The following SYNE2 variants were observed in gnomAD, a reference collection of about 807,000 sequenced individuals.
SYNE2 encodes spectrin repeat containing nuclear envelope protein 2.
SYNE2 carries 431 observed loss-of-function variants against 856.3 expected under a neutral mutation model. That is an observed-to-expected ratio of 0.50 (90% CI 0.47 to 0.55). The LOEUF is 0.55. Ranked by LOEUF, SYNE2 falls within the 20% of genes least tolerant of loss-of-function variation. The pLI is 0.00. For synonymous variants in SYNE2, 2,923 were observed against 2,872.3 expected, an observed-to-expected ratio of 1.02 and a Z score of -0.56; for missense variants, 8,129 against 8,023.2, an observed-to-expected ratio of 1.01 and a Z score of -0.50.
Position 64,042,050 on chromosome 14 carries a change from A to G in SYNE2, c.7222-5950A>G, listed in dbSNP as rs1595084804. On this transcript the variant is annotated intron_variant, in intron 45 of 115. Transcript: ENST00000555002. ...TGCACAAGAAGAATCATACAAGGGT[A>G]TATATCACAGCACTATCTATTATAT... Among the ~76,000 whole-genome samples the G allele has an allele frequency of 5.3e-5, 8 of 152,068 alleles. 1 individual carries two copies. In the South Asian group the frequency reaches 1.7e-3, roughly 32 times the overall value.
rs958847172 is a variant in SYNE2, at chr14:63,944,523, T to C, written c.408+2380T>C. Among the ~76,000 whole-genome samples, 5 of 138,312 alleles carry C rather than the reference T, an allele frequency of 3.6e-5. 1 individual carries two copies. Among genetic ancestry groups the C allele is most frequent in the Admixed American group, 1.4e-4 (2 of 14,022 alleles). The allele number at this position is 138,312 out of a possible 152,430, so 90.7% of individuals were successfully genotyped here. A position where few individuals can be genotyped will look rare whatever the true frequency, so the allele number is the denominator to read the frequency against. On this transcript the variant is annotated intron_variant, in intron 6 of 115. Coordinates refer to ENST00000555002, the MANE Select transcript of SYNE2 (RefSeq NM_182914.3). ...TTGCAAACTTAAAGCCTTTCTTTTT[T>C]TTTTTTTTTTTTTTTTTTGAGACAG... is the stretch of plus-strand genomic sequence containing the variant.
Position 64,098,112 on chromosome 14 carries a change from G to A in SYNE2, c.12272G>A (p.Gly4091Asp), listed in dbSNP as rs576810241. 4 of 1,614,124 alleles carry A rather than the reference G, an allele frequency of 2.5e-6. No individual in the cohort carries two copies. In the East Asian group the frequency reaches 8.9e-5, roughly 36 times the overall value. ...CTGCCAGCTGTAACATCAGAGGAAGGTGGAGTGGCAGAGAGGGATGCTTCT... is the reference window on the plus strand; with the variant it reads ...CTGCCAGCTGTAACATCAGAGGAAGATGGAGTGGCAGAGAGGGATGCTTCT... ...DRLPAVTSEE[G>D]GVAERDASER... is the part of the protein sequence containing the mutation. Residue 4091 changes from glycine (G) to aspartate (D), a missense_variant, in exon 62 of 116, where the codon GGT (glycine) becomes GAT (aspartate). Physicochemically the swap from Gly to Asp is moderately conservative, Grantham distance 94. This residue lies in a region of SYNE2 where 5,410 missense variants were observed against 5,284.8 expected (regional missense o/e 1.02). Coordinates refer to ENST00000555002, the MANE Select transcript of SYNE2 (RefSeq NM_182914.3).
intron 1 of SYNE2, among the ~76,000 whole-genome samples, chr14:63,889,001 A>G (rs1256709087): frequency 6.7e-6 from 1 of 150,140 alleles, no homozygotes; most frequent in Non-Finnish European, 1.5e-5. Context: ...CAGGAGTTCA[A>G]CACCACCCTG....
chr14:63,970,324 G>C (rs2096457612), intron 11 of SYNE2, among the ~76,000 whole-genome samples: 2 of 152,124 alleles, frequency 1.3e-5, no homozygotes, highest in Admixed American at 1.3e-4. Context: ...AAGTAGCTGA[G>C]ACAACTGGTG....
At chr14:64,005,118 C>T (rs1428423462) in intron 30 of SYNE2, among the ~76,000 whole-genome samples, 3 of 152,194 alleles carry the variant, frequency 2.0e-5, no homozygotes, top group Non-Finnish European at 4.4e-5. Flanking sequence ...GGAGATGTAG[C>T]TTAGCTCATG....
chr14:63,804,036 C>T (rs1888263730), intron 1 of SYNE2, among the ~76,000 whole-genome samples: 1 of 152,190 alleles, frequency 6.6e-6, no homozygotes, highest in Non-Finnish European at 1.5e-5. Flanking sequence ...GGAACTTGTT[C>T]TTGCTTCCCA....
intron 1 of SYNE2, among the ~76,000 whole-genome samples, chr14:63,899,670 T>A (rs1444824689): frequency 2.0e-5 from 3 of 152,102 alleles, no homozygotes; most frequent in Non-Finnish European, 4.4e-5. Flanking sequence ...CCTAGCTAAT[T>A]TTTGTATTTT....
intron 2 of SYNE2, among the ~76,000 whole-genome samples, chr14:63,934,982 G>GT (rs933040825): frequency 1.1e-4 from 17 of 149,898 alleles, no homozygotes; most frequent in African/African-American, 3.2e-4. Flanking sequence ...TTGTTCTCTG[G>GT]TTTTTTTCTA....
chr14:63,819,041 C>A (rs1595142453), intron 1 of SYNE2, among the ~76,000 whole-genome samples: 1 of 148,260 alleles, frequency 6.7e-6, no homozygotes. Context: ...CTAGCCAGTG[C>A]AATAAGGCAA....
chr14:64,145,259 T>C (rs1251897939), intron 83 of SYNE2, among the ~76,000 whole-genome samples: 6 of 151,522 alleles, frequency 4.0e-5, no homozygotes, highest in Non-Finnish European at 5.9e-5. Flanking sequence ...CATGACAGGC[T>C]GGGCGTGGTG....
At chr14:64,057,239 G>T (rs887242747) in intron 49 of SYNE2, among the ~76,000 whole-genome samples, 3 of 150,386 alleles carry the variant, frequency 2.0e-5, no homozygotes, top group Admixed American at 1.3e-4. Context: ...CTATTATTTT[G>T]TACCCATTTA....
At chr14:64,047,612 C>T (rs1284858661) in intron 45 of SYNE2, among the ~76,000 whole-genome samples, 2 of 152,214 alleles carry the variant, frequency 1.3e-5, no homozygotes, top group Admixed American at 1.3e-4. Flanking sequence ...GGTGTTACCT[C>T]CATATGGCCA....
At chr14:63,781,122 C>CA (rs1887288371) in intron 1 of SYNE2, among the ~76,000 whole-genome samples, 1 of 151,800 alleles carries the variant, frequency 6.6e-6, no homozygotes, top group Non-Finnish European at 1.5e-5. Flanking sequence ...ACTAAAAATA[C>CA]AAAAAATTAG....
chr14:64,044,823 A>G (rs1309917725), intron 45 of SYNE2, among the ~76,000 whole-genome samples: 1 of 152,244 alleles, frequency 6.6e-6, no homozygotes, highest in Non-Finnish European at 1.5e-5. Flanking sequence ...CATGATTGTG[A>G]GGCTTCCCCA....
At chr14:63,930,073 C>T (rs972443436) in intron 2 of SYNE2, among the ~76,000 whole-genome samples, 6 of 151,904 alleles carry the variant, frequency 3.9e-5, no homozygotes, top group Non-Finnish European at 8.8e-5. Context: ...TTGCTTGAGG[C>T]CAGGATTTCG....
chr14:64,022,118 TAG>T, intron 37 of SYNE2, 90 bp downstream of exon 37: 1 of 1,273,146 alleles, frequency 7.9e-7, no homozygotes, highest in East Asian at 2.3e-5. Flanking sequence ...AAGCCTGACT[TAG>T]AGATGGTTTG....
intron 2 of SYNE2, among the ~76,000 whole-genome samples, chr14:63,923,605 G>T (rs1021780145): frequency 1.3e-5 from 2 of 152,206 alleles, no homozygotes; most frequent in Non-Finnish European, 2.9e-5. Flanking sequence ...GTCATGTACT[G>T]TTGGAGCCCA....
At position 64,126,448 on chromosome 14, in the gene SYNE2, A is replaced by G; in HGVS notation, c.13676A>G (p.Glu4559Gly). The G allele has an allele frequency of 5.6e-6, 9 of 1,614,098 alleles. No homozygotes were observed. Among genetic ancestry groups the G allele is most frequent in the Non-Finnish European group, 6.8e-6 (8 of 1,180,016 alleles). The stretch of plus-strand genomic sequence containing the variant: ...CTGGAGATGCCCAGACTTTACAGGG[A>G]GGATGGTTCTGGCCAGCAGGTGCAC... ...EMLEMPRLYREDGSGQQVHYE... is the reference protein window; with the variant it reads ...EMLEMPRLYRGDGSGQQVHYE... The change falls in exon 72 of 116, where the codon GAG (glutamate) becomes GGG (glycine). Residue 4559 changes from glutamate (E) to glycine (G), a missense_variant. By Grantham distance (98) the Glu-to-Gly change is moderately conservative. This residue lies in a region of SYNE2 where 5,410 missense variants were observed against 5,284.8 expected (regional missense o/e 1.02). Transcript: ENST00000555002.
chr14:64,213,143 A>C (rs1486349380), intron 105 of SYNE2, 138 bp downstream of exon 105: 41 of 858,994 alleles, frequency 4.8e-5, no homozygotes, highest in Non-Finnish European at 7.2e-6. Flanking sequence ...GGGCTATATC[A>C]AAACATTTTA....
Sources: allele counts gnomAD v4.1 joint callset (sites outside exome capture counted in the v4.1 genomes callset), GRCh38; gene constraint gnomAD v4.1.1; regional missense constraint gnomAD v4.1.1; transcripts MANE v1.5; gene names NCBI Gene and HGNC (gene_info 2026-07-23, HGNC 2026-07-21).